Variants in PSG11 observed in about 807,000 individuals in gnomAD.
PSG11 encodes pregnancy specific beta-1-glycoprotein 11, also known as pregnancy-specific beta-1-glycoprotein 11.
Under a neutral mutation model 36.0 loss-of-function variants are expected in PSG11, and 42 were observed. That is an observed-to-expected ratio of 1.17 (90% CI 0.91 to 1.51). The LOEUF (loss-of-function observed/expected upper bound fraction) is 1.51, where lower values mean the gene tolerates loss of function less well. PSG11 is among the 40% of genes most tolerant of loss of function. The probability of loss-of-function intolerance (pLI) is 0.00; values close to 1 mark genes in which losing one functional copy is unlikely to be tolerated. For synonymous variants in PSG11, 206 were observed against 153.5 expected (o/e 1.34, Z -2.53); for missense variants, 558 against 403.5 (o/e 1.38, Z -3.28).
intron 5 of PSG11, among the ~76,000 whole-genome samples, chr19:43,008,888 A>G (rs1200260060): frequency 6.6e-6 from 1 of 151,232 alleles, no homozygotes; most frequent in Non-Finnish European, 1.5e-5. Context: ...GTTACATGTT[A>G]GTAGTGTCAG....
chr19:43,023,638 G>A (rs1164902247), intron 2 of PSG11, among the ~76,000 whole-genome samples: 3 of 151,172 alleles, frequency 2.0e-5, no homozygotes, highest in Non-Finnish European at 2.9e-5. Context: ...TGACTATGGG[G>A]TGCTTGGAAC....
chr19:43,010,130 T>A (rs554404001), intron 4 of PSG11, 89 bp from the exon 5 acceptor site: 1 of 1,508,464 alleles, frequency 6.6e-7, no homozygotes, highest in African/African-American at 1.4e-5. Flanking sequence ...CATGAGATAC[T>A]GTATAATTGT....
intron 3 of PSG11, chr19:43,018,469 G>C (rs941052065): frequency 1.5e-4 from 91 of 591,004 alleles, no homozygotes; most frequent in Middle Eastern, 4.7e-4. Flanking sequence ...CAAGTCGCAA[G>C]ACTGAAGTCC....
chr19:43,021,934 C>G (rs926956954), intron 2 of PSG11, among the ~76,000 whole-genome samples: 7 of 151,480 alleles, frequency 4.6e-5, no homozygotes, highest in African/African-American at 1.5e-4. Flanking sequence ...GCATGGCTGA[C>G]TCCATCTGGC....
intron 4 of PSG11, among the ~76,000 whole-genome samples, chr19:43,012,331 CA>C (rs1974098455): frequency 6.6e-6 from 1 of 151,264 alleles, no homozygotes; most frequent in South Asian, 2.1e-4. Flanking sequence ...AAAAGACATT[CA>C]AATTGGAAGG....
At chr19:43,008,961 G>T (rs1974002369) in intron 5 of PSG11, among the ~76,000 whole-genome samples, 2 of 151,034 alleles carry the variant, frequency 1.3e-5, no homozygotes, top group South Asian at 2.1e-4. Flanking sequence ...GAACTAATGG[G>T]TGGGGCTTGA....
intron 3 of PSG11, 191 bp downstream of exon 3, chr19:43,018,579 G>T (rs112061538): frequency 2.2e-6 from 3 of 1,345,064 alleles, no homozygotes; most frequent in Non-Finnish European, 3.1e-6. Context: ...GACAGGAGCA[G>T]CCTCTTTTCT....
At position 43,026,315 on chromosome 19, in the gene PSG11, G is replaced by A. The variant is rs1142248; in HGVS notation, c.58C>T (p.Leu20Phe). 3 of 1,610,864 alleles carry A rather than the reference G, an allele frequency of 1.9e-6. No homozygotes were observed. Among genetic ancestry groups the A allele is most frequent in the South Asian group, 2.2e-5 (2 of 90,878 alleles). Residue 20 changes from leucine to phenylalanine, a missense_variant, in exon 1 of 6, where the codon CTC (leucine) becomes TTC (phenylalanine). By Grantham distance (22) the Leu-to-Phe change is conservative (BLOSUM62 0). Coordinates refer to ENST00000320078, the MANE Select transcript of PSG11 (RefSeq NM_002785.3). ...CAGGAAGTTCTCTCCTCACCTGTGA[G>A]CAGGAGCCCCTTCCATTTGATGTGC... is the stretch of plus-strand genomic sequence containing the variant. ...TEHIKWKGLL[L>F]TALLLNFWNL...
intron 2 of PSG11, among the ~76,000 whole-genome samples, chr19:43,022,584 C>G (rs1192854125): frequency 3.3e-5 from 5 of 151,330 alleles, no homozygotes; most frequent in Non-Finnish European, 7.4e-5. Flanking sequence ...TACTAAAAAT[C>G]ACCATTTCAA....
intron 3 of PSG11, among the ~76,000 whole-genome samples, chr19:43,016,327 A>G (rs1966965897): frequency 6.6e-6 from 1 of 150,990 alleles, no homozygotes; most frequent in Non-Finnish European, 1.5e-5. Flanking sequence ...AGCCCCTGGT[A>G]CCCCTCCCAG....
intron 2 of PSG11, among the ~76,000 whole-genome samples, chr19:43,022,099 A>C (rs1305678647): frequency 2.6e-5 from 4 of 151,554 alleles, no homozygotes; most frequent in African/African-American, 7.3e-5. Context: ...TGCCTTTGTC[A>C]AACTAGTGAA....
chr19:43,026,403 G>T lies in PSG11; in HGVS notation c.-31C>A, dbSNP rs1411836898. The T allele has an allele frequency of 6.2e-7, 1 of 1,606,018 alleles. No individual in the cohort carries two copies. Among genetic ancestry groups the T allele is most frequent in the Non-Finnish European group, 8.5e-7 (1 of 1,175,484 alleles). On this transcript the variant is annotated 5_prime_UTR_variant, in exon 1 of 6. Transcript: ENST00000320078. Reference sequence around the variant, plus strand: ...CTGCTGCGTGCATGTTCTCCTCTGTGGAGATGAGCCTAGGATCCAGAAGCT... The same window carrying T: ...CTGCTGCGTGCATGTTCTCCTCTGTTGAGATGAGCCTAGGATCCAGAAGCT...
chr19:43,011,985 G>A (rs1295873759), intron 4 of PSG11, among the ~76,000 whole-genome samples: 1 of 150,276 alleles, frequency 6.7e-6, no homozygotes, highest in Non-Finnish European at 1.5e-5. Flanking sequence ...ATAAATAATT[G>A]TATGCCAATA....
At chr19:43,012,168 TG>T (rs1185035811) in intron 4 of PSG11, among the ~76,000 whole-genome samples, 4 of 151,322 alleles carry the variant, frequency 2.6e-5, no homozygotes, top group African/African-American at 9.8e-5. Context: ...AAAGGCAATA[TG>T]TGAAAAACCC....
chr19:43,025,578 G>T (rs1373871685), intron 1 of PSG11, among the ~76,000 whole-genome samples: 1 of 150,928 alleles, frequency 6.6e-6, no homozygotes, highest in East Asian at 1.9e-4. Flanking sequence ...TTGTGATCTT[G>T]GTTGCACCCC....
At chr19:43,020,370 T>G (rs1450030137) in intron 2 of PSG11, among the ~76,000 whole-genome samples, 2 of 151,454 alleles carry the variant, frequency 1.3e-5, no homozygotes, top group African/African-American at 4.9e-5. Flanking sequence ...TGGTCAGAAG[T>G]GTAAAGTTTT....
In PSG11 at chr19:43,019,007, G is replaced by A. The variant is rs763711288; in HGVS notation, c.472C>T (p.Pro158Ser). 3.7e-6 allele frequency: 6 copies of A among 1,611,958 alleles called. No homozygotes were observed. Among genetic ancestry groups the A allele is most frequent in the South Asian group, 1.1e-5 (1 of 90,822 alleles). The change falls in exon 3 of 6, where the codon CCC (proline) becomes TCC (serine). Residue 158 changes from proline to serine, a missense_variant. Transcript: ENST00000320078. ...ATCACAGTCTCCATGGCCTCCCTGG[G>A]GTTTAAGTTGCTGCTGGAGATGGAG... ...KPSISSSNLN[P>S]REAMETVILT...
At chr19:43,009,482 A>G (rs2122780729) in intron 5 of PSG11, among the ~76,000 whole-genome samples, 1 of 151,404 alleles carries the variant, frequency 6.6e-6, no homozygotes, top group East Asian at 1.9e-4. Context: ...AAATAGAAGA[A>G]ATGTGAACTT....
In PSG11 at chr19:43,023,061, C is replaced by A. The variant is rs114235671; in HGVS notation, c.430+1630G>T. Among the ~76,000 whole-genome samples the A allele has an allele frequency of 3.3e-3, 496 of 150,474 alleles. 15 individuals are homozygous for A. Among genetic ancestry groups the A allele is most frequent in the African/African-American group, 0.012 (478 of 40,540 alleles). ...AGTGAGGGAGACACTGACTTCAGAG[C>A]CCCCAGGAACCAGCTGCCCCCAGTT... On this transcript the variant is annotated intron_variant, in intron 2 of 5. Coordinates refer to ENST00000320078, the MANE Select transcript of PSG11 (RefSeq NM_002785.3).
Sources: gnomAD v4.1 joint callset for allele counts (sites outside exome capture counted in the v4.1 genomes callset) on GRCh38, gnomAD v4.1.1 for gene constraint, MANE v1.5 for transcripts, NCBI Gene and HGNC (gene_info 2026-07-23, HGNC 2026-07-21) for gene names.